IPO11: variants seen among roughly 807,000 people sequenced by gnomAD.
IPO11 encodes importin-11.
A neutral mutation model predicts 143.2 loss-of-function variants in IPO11; 66 were observed. The observed-to-expected ratio is 0.46, with a 90% CI of 0.38 to 0.57. The LOEUF (loss-of-function observed/expected upper bound fraction) is 0.57, where lower values mean the gene tolerates loss of function less well. Ranked by LOEUF, IPO11 falls within the 20% of genes least tolerant of loss-of-function variation. The pLI is 0.00. For synonymous variants in IPO11, 385 were observed against 377.8 expected, an observed-to-expected ratio of 1.02 and a Z score of -0.22; for missense variants, 1,026 against 1,141.0, an observed-to-expected ratio of 0.90 and a Z score of 1.45.
At chr5:62,556,273 T>A (rs1044458152) in intron 26 of IPO11, among the ~76,000 whole-genome samples, 1 of 152,124 alleles carries the variant, frequency 6.6e-6, no homozygotes, top group Admixed American at 6.5e-5. Context: ...TGCAGTGAGC[T>A]GAGATTGCAC....
chr5:62,625,424 G>A lies in IPO11; in HGVS notation c.2764-1730G>A, dbSNP rs185061571. ...CTGAGCCACGTGCTCATTAAAATCCGATGTGTAGACTTTAGAAGTGAATCT... is the reference window on the plus strand; with the variant it reads ...CTGAGCCACGTGCTCATTAAAATCCAATGTGTAGACTTTAGAAGTGAATCT... On this transcript the variant is annotated intron_variant, in intron 29 of 29. Coordinates refer to ENST00000325324, the MANE Select transcript of IPO11 (RefSeq NM_016338.5). Among the ~76,000 whole-genome samples the A allele has an allele frequency of 5.0e-3, 756 of 152,308 alleles. 4 individuals carry two copies. Among genetic ancestry groups the A allele is most frequent in the South Asian group, 0.02 (96 of 4,818 alleles).
intron 1 of IPO11, among the ~76,000 whole-genome samples, chr5:62,424,426 A>G (rs1249473863): frequency 4.0e-5 from 6 of 150,970 alleles, no homozygotes; most frequent in African/African-American, 1.5e-4. Context: ...GGTGTGAGCC[A>G]TCGCGCCTGG....
chr5:62,578,167 T>C (rs1251856779), intron 27 of IPO11, among the ~76,000 whole-genome samples: 1 of 152,124 alleles, frequency 6.6e-6, no homozygotes, highest in Non-Finnish European at 1.5e-5. Flanking sequence ...TAACATCTTA[T>C]AACCCAACAC....
chr5:62,514,081 G>C (rs1441890645), intron 19 of IPO11, among the ~76,000 whole-genome samples: 1 of 151,144 alleles, frequency 6.6e-6, no homozygotes, highest in Non-Finnish European at 1.5e-5. Context: ...GATGGCGGCC[G>C]GGCAGAGACG....
At chr5:62,440,649 G>A (rs540878514) in intron 2 of IPO11, among the ~76,000 whole-genome samples, 4 of 150,644 alleles carry the variant, frequency 2.7e-5, no homozygotes, top group African/African-American at 7.3e-5. Context: ...GAGCCACTGC[G>A]CCCAGCCTGC....
intron 29 of IPO11, among the ~76,000 whole-genome samples, chr5:62,614,173 A>T (rs1376473759): frequency 6.6e-6 from 1 of 152,218 alleles, no homozygotes; most frequent in Admixed American, 6.5e-5. Flanking sequence ...TGGTATAGAA[A>T]CTATTCAGAT....
chr5:62,493,881 A>G, intron 15 of IPO11, 117 bp from the exon 16 acceptor site: 2 of 953,220 alleles, frequency 2.1e-6, no homozygotes, highest in Non-Finnish European at 3.0e-6. Flanking sequence ...AAGCTTTTAT[A>G]TTAAAAATGC....
chr5:62,511,907 AAC>A (rs1741760034), intron 19 of IPO11, among the ~76,000 whole-genome samples: 1 of 151,994 alleles, frequency 6.6e-6, no homozygotes, highest in African/African-American at 2.4e-5. Context: ...AAAAAACAAA[AAC>A]AGCAAGTTTA....
chr5:62,419,421 T>A (rs963315463), intron 1 of IPO11, among the ~76,000 whole-genome samples: 2 of 152,360 alleles, frequency 1.3e-5, no homozygotes, highest in Non-Finnish European at 2.9e-5. Context: ...AACACTTAGC[T>A]TAAAACACAA....
chr5:62,604,583 C>T (rs189558068), intron 29 of IPO11, among the ~76,000 whole-genome samples: 4 of 152,240 alleles, frequency 2.6e-5, no homozygotes, highest in African/African-American at 9.6e-5. Context: ...TATAGCCTAA[C>T]ATTTGTCTTT....
rs768288530 is a variant in IPO11 at position 62,490,173 on chromosome 5, G to T, written c.1416G>T (p.Gln472His). Residue 472 changes from glutamine (Q) to histidine (H), a missense_variant, in exon 15 of 30, where the codon CAG becomes CAT. Around this residue, in one of 5 missense-constraint regions of IPO11, gnomAD observed 237 missense variants for 288.0 expected, o/e 0.82. Coordinates refer to ENST00000325324, the MANE Select transcript of IPO11 (RefSeq NM_016338.5). The stretch of plus-strand genomic sequence containing the variant: ...TCTTTGACAGTGTTGATTTTGATCA[G>T]TGGTTTAAAAACCAGCTTCTTCCAG... ...YELFDSVDFD[Q>H]WFKNQLLPEL... is the part of the protein sequence containing the mutation. 4 of 1,605,708 alleles carry T rather than the reference G, an allele frequency of 2.5e-6. No individual in the cohort carries two copies. The highest frequency in any genetic ancestry group is 3.4e-6 in the Non-Finnish European group (4 of 1,175,966).
At chr5:62,589,660 A>T (rs954332326) in intron 27 of IPO11, among the ~76,000 whole-genome samples, 2 of 152,030 alleles carry the variant, frequency 1.3e-5, no homozygotes, top group East Asian at 3.9e-4. Flanking sequence ...ATACTCCCTT[A>T]TGTGGTTCTT....
chr5:62,591,356 T>C (rs1330772019), intron 27 of IPO11, among the ~76,000 whole-genome samples: 1 of 152,132 alleles, frequency 6.6e-6, no homozygotes, highest in African/African-American at 2.4e-5. Context: ...TACTATCGAA[T>C]CTATCCATCT....
In IPO11 at chr5:62,428,578, G is replaced by A. The variant is rs1027424388; in HGVS notation, c.-6-8696G>A. Among the ~76,000 whole-genome samples the A allele has an allele frequency of 3.3e-5, 5 of 152,014 alleles. No homozygotes were observed. The East Asian group carries it at 5.8e-4, about 18-fold the overall frequency. On this transcript the variant is annotated intron_variant, in intron 1 of 29. Coordinates refer to ENST00000325324, the MANE Select transcript of IPO11 (RefSeq NM_016338.5). ...AGGCTGGTCTTGAACTCCTGACGTC[G>A]TGATCCACCCACCTCAGCCTCCCAA...
chr5:62,454,747 A>G (rs571189594), intron 5 of IPO11, among the ~76,000 whole-genome samples: 8 of 152,320 alleles, frequency 5.3e-5, no homozygotes, highest in East Asian at 3.9e-4. Flanking sequence ...CAGATTCACT[A>G]CAGTGTAGCT....
rs1442210938 is a variant in IPO11, at chr5:62,488,570, T to G, written c.1309+709T>G. The stretch of plus-strand genomic sequence containing the variant: ...GATAGAGATATACTTTCGGAGTGCA[T>G]GTATGTAAGGAGCCTTGGGAAAAGA... On this transcript the variant is annotated intron_variant, in intron 13 of 29. Transcript: ENST00000325324. Among the ~76,000 whole-genome samples the G allele has an allele frequency of 3.9e-5, 6 of 152,114 alleles. No homozygotes were observed. The South Asian group carries it at 1.0e-3, about 26-fold the overall frequency.
chr5:62,565,790 C>G (rs955176573), intron 27 of IPO11, among the ~76,000 whole-genome samples: 55 of 151,850 alleles, frequency 3.6e-4, no homozygotes, highest in African/African-American at 1.3e-3. Context: ...CCCCCTACCC[C>G]CCCAACTGGC....
intron 1 of IPO11, among the ~76,000 whole-genome samples, chr5:62,416,470 C>T (rs142580904): frequency 2.6e-5 from 4 of 152,170 alleles, no homozygotes; most frequent in Non-Finnish European, 5.9e-5. Context: ...GCGTGAGCCA[C>T]TGCACTGGCC....
intron 2 of IPO11, among the ~76,000 whole-genome samples, chr5:62,442,403 T>A (rs920941424): frequency 6.6e-6 from 1 of 152,192 alleles, no homozygotes; most frequent in Non-Finnish European, 1.5e-5. Flanking sequence ...AAACACACCT[T>A]AAAGCAGAAT....
Sources: allele counts gnomAD v4.1 joint callset (sites outside exome capture counted in the v4.1 genomes callset), GRCh38; gene constraint gnomAD v4.1.1; regional missense constraint gnomAD v4.1.1; transcripts MANE v1.5; gene names NCBI Gene and HGNC (gene_info 2026-07-23, HGNC 2026-07-21).